SLC7A14: variants seen among roughly 807,000 people sequenced by gnomAD.
SLC7A14 encodes solute carrier family 7 member 14.
In SLC7A14, 37 loss-of-function variants were observed where a neutral mutation model predicts 60.2. The ratio of observed to expected loss-of-function variants is 0.61; its 90% CI spans 0.47 to 0.81. The LOEUF is 0.81. Ranked by LOEUF, SLC7A14 falls within the 30% of genes least tolerant of loss-of-function variation. The pLI is 0.00. For missense variants in SLC7A14, 886 were observed against 982.7 expected, an observed-to-expected ratio of 0.90 and a Z score of 1.32; for synonymous variants, 399 against 395.8, an observed-to-expected ratio of 1.01 and a Z score of -0.10.
intron 1 of SLC7A14, among the ~76,000 whole-genome samples, chr3:170,539,217 C>A (rs1713940438): frequency 6.6e-6 from 1 of 152,212 alleles, no homozygotes; most frequent in South Asian, 2.1e-4. Context: ...TGAAATACAT[C>A]AAGCTCTCTG....
intron 2 of SLC7A14, among the ~76,000 whole-genome samples, chr3:170,521,818 G>C (rs1426375375): frequency 6.6e-6 from 1 of 152,168 alleles, no homozygotes; most frequent in African/African-American, 2.4e-5. Context: ...CTACTCGGGA[G>C]GCTGAGGCAG....
intron 3 of SLC7A14, among the ~76,000 whole-genome samples, chr3:170,499,942 G>A (rs1712549530): frequency 6.6e-6 from 1 of 152,192 alleles, no homozygotes. Context: ...TATGCAATCA[G>A]TACACAGAAC....
At chr3:170,564,579 T>C (rs1420646522) in intron 1 of SLC7A14, among the ~76,000 whole-genome samples, 1 of 152,256 alleles carries the variant, frequency 6.6e-6, no homozygotes, top group Non-Finnish European at 1.5e-5. Context: ...AGAGGCAAGG[T>C]AGCTTTCTAC....
intron 2 of SLC7A14, among the ~76,000 whole-genome samples, chr3:170,508,069 A>T (rs2108284155): frequency 6.6e-6 from 1 of 152,352 alleles, no homozygotes; most frequent in Non-Finnish European, 1.5e-5. Flanking sequence ...ATCCAGCCTT[A>T]GCAGCTTTCT....
At chr3:170,503,413 C>T (rs930426978) in intron 2 of SLC7A14, among the ~76,000 whole-genome samples, 4 of 152,042 alleles carry the variant, frequency 2.6e-5, no homozygotes, top group Non-Finnish European at 5.9e-5. Context: ...ATACAAGAAC[C>T]TGATGATATT....
intron 2 of SLC7A14, among the ~76,000 whole-genome samples, chr3:170,514,256 C>A (rs183026157): frequency 3.0e-4 from 46 of 152,354 alleles, no homozygotes; most frequent in Admixed American, 2.8e-3. Flanking sequence ...GAGTTAGACT[C>A]CACTCAGAAA....
intron 1 of SLC7A14, among the ~76,000 whole-genome samples, chr3:170,540,266 T>C (rs1454736132): frequency 6.6e-6 from 1 of 152,152 alleles, no homozygotes; most frequent in Non-Finnish European, 1.5e-5. Context: ...AAAGCAACAT[T>C]GTGAATAAGG....
intron 4 of SLC7A14, among the ~76,000 whole-genome samples, chr3:170,493,146 G>A (rs992625560): frequency 6.6e-6 from 1 of 152,220 alleles, no homozygotes; most frequent in Non-Finnish European, 1.5e-5. Flanking sequence ...GGGAACACGC[G>A]TCCAGCAATG....
intron 2 of SLC7A14, among the ~76,000 whole-genome samples, chr3:170,519,661 A>G (rs1035091263): frequency 6.6e-6 from 1 of 152,210 alleles, no homozygotes; most frequent in Non-Finnish European, 1.5e-5. Context: ...CTGTAATCCC[A>G]GCTACTCATG....
chr3:170,492,788 A>G (rs1712262416), intron 4 of SLC7A14, among the ~76,000 whole-genome samples: 1 of 152,194 alleles, frequency 6.6e-6, no homozygotes, highest in Non-Finnish European at 1.5e-5. Context: ...GCCTTCACAC[A>G]TTCTGCCTCA....
At chr3:170,495,887 G>A in intron 4 of SLC7A14, 1 of 1,373,002 alleles carries the variant, frequency 7.3e-7, no homozygotes, top group Non-Finnish European at 1.0e-6. Flanking sequence ...GGCAGCTGGA[G>A]GCTCTGGGCT....
chr3:170,497,196 T>C (rs749715465), intron 4 of SLC7A14, among the ~76,000 whole-genome samples: 6 of 152,100 alleles, frequency 3.9e-5, no homozygotes, highest in Non-Finnish European at 7.3e-5. Flanking sequence ...GTTTCTCTTA[T>C]ATGATAGGAA....
intron 2 of SLC7A14, among the ~76,000 whole-genome samples, chr3:170,506,818 G>T (rs61580345): frequency 0.067 from 10,229 of 152,228 alleles, 405 homozygotes; most frequent in South Asian, 0.094. Context: ...GGGTAAAGGA[G>T]AAAGACCCAG....
At chr3:170,583,539 G>A (rs188740716) in intron 1 of SLC7A14, among the ~76,000 whole-genome samples, 2 of 152,306 alleles carry the variant, frequency 1.3e-5, no homozygotes, top group African/African-American at 4.8e-5. Flanking sequence ...CAAGTTAACT[G>A]GGTTCTAATT....
chr3:170,488,369 C>T (rs902125983), intron 4 of SLC7A14, among the ~76,000 whole-genome samples: 4 of 152,152 alleles, frequency 2.6e-5, no homozygotes, highest in African/African-American at 7.2e-5. Context: ...GTGTGGAAAA[C>T]GTCTTTGGCC....
rs756377998 is a variant in SLC7A14, at chr3:170,501,231, A to G, written c.419T>C (p.Ile140Thr). The G allele has an allele frequency of 6.2e-7, 1 of 1,614,214 alleles. No homozygotes were observed. Among genetic ancestry groups the G allele is most frequent in the Non-Finnish European group, 8.5e-7 (1 of 1,180,036 alleles). ...CGCAGTGCCAATCAGGTACTCCAGGATCAGGTTCCAGCCAATGAAAAATGC... is the reference window on the plus strand; with the variant it reads ...CGCAGTGCCAATCAGGTACTCCAGGGTCAGGTTCCAGCCAATGAAAAATGC... The part of the protein sequence containing the change: ...FVAFFIGWNL[I>T]LEYLIGTAAG... The change falls in exon 3 of 8, where the codon ATC (isoleucine) becomes ACC (threonine). Residue 140 changes from isoleucine (I) to threonine (T), a missense_variant. Coordinates refer to ENST00000231706, the MANE Select transcript of SLC7A14 (RefSeq NM_020949.3).
chr3:170,490,816 T>C (rs1408804190), intron 4 of SLC7A14, among the ~76,000 whole-genome samples: 1 of 152,206 alleles, frequency 6.6e-6, no homozygotes, highest in East Asian at 1.9e-4. Context: ...ATGGAGATAA[T>C]AATAGCACTT....
intron 1 of SLC7A14, among the ~76,000 whole-genome samples, chr3:170,553,214 A>T (rs6799899): frequency 1.3e-5 from 2 of 151,952 alleles, no homozygotes; most frequent in Non-Finnish European, 2.9e-5. Flanking sequence ...CTCAATCCCA[A>T]GCACAGTGCC....
chr3:170,528,940 A>G (rs184097956), intron 1 of SLC7A14, among the ~76,000 whole-genome samples: 11 of 152,330 alleles, frequency 7.2e-5, no homozygotes, highest in Admixed American at 7.2e-4. Context: ...AACACCTGTT[A>G]TGTGCCAAGC....
Sources: allele counts gnomAD v4.1 joint callset (sites outside exome capture counted in the v4.1 genomes callset), GRCh38; gene constraint gnomAD v4.1.1; transcripts MANE v1.5; gene names NCBI Gene and HGNC (gene_info 2026-07-23, HGNC 2026-07-21).